Variants in NFATC2 observed in about 807,000 individuals in gnomAD.
NFATC2 encodes nuclear factor of activated T-cells, cytoplasmic 2.
In NFATC2, 22 loss-of-function variants were observed where a neutral mutation model predicts 87.3. The observed-to-expected ratio is 0.25, with a 90% CI of 0.18 to 0.36. The LOEUF (loss-of-function observed/expected upper bound fraction) is 0.36. Ranked by LOEUF, NFATC2 falls within the 10% of genes least tolerant of loss-of-function variation. The pLI, the probability that NFATC2 is intolerant of heterozygous loss-of-function variation, is 1.00. For synonymous variants in NFATC2, 565 were observed against 542.2 expected, an observed-to-expected ratio of 1.04 and a Z score of -0.58; for missense variants, 1,149 against 1,259.1, an observed-to-expected ratio of 0.91 and a Z score of 1.32.
intron 10 of NFATC2, among the ~76,000 whole-genome samples, chr20:51,398,192 G>T (rs1278737537): frequency 6.6e-6 from 1 of 152,164 alleles, no homozygotes; most frequent in Non-Finnish European, 1.5e-5. Context: ...GATTGGAAAT[G>T]ACCTAAGCAC....
intron 3 of NFATC2, among the ~76,000 whole-genome samples, chr20:51,478,916 G>T (rs1053757716): frequency 6.6e-6 from 1 of 152,130 alleles, no homozygotes; most frequent in Non-Finnish European, 1.5e-5. Context: ...TAGCACATTT[G>T]GGTTTCAGAT....
intron 1 of NFATC2, among the ~76,000 whole-genome samples, chr20:51,561,463 GAA>G (rs1568765722): frequency 1.5e-5 from 2 of 131,700 alleles, no homozygotes; most frequent in East Asian, 4.5e-4. Context: ...AAGAAAGAAA[GAA>G]AGAAAGAAAG....
chr20:51,403,618 A>T (rs1024626904), intron 9 of NFATC2, among the ~76,000 whole-genome samples: 6 of 152,196 alleles, frequency 3.9e-5, no homozygotes, highest in African/African-American at 1.2e-4. Context: ...GACTTGGTGC[A>T]GTCATGAAGG....
intron 1 of NFATC2, among the ~76,000 whole-genome samples, chr20:51,552,369 G>T (rs1191357641): frequency 1.3e-5 from 2 of 152,010 alleles, no homozygotes; most frequent in Non-Finnish European, 2.9e-5. Flanking sequence ...CTTGCATTTT[G>T]CTCCCCCAAA....
intron 6 of NFATC2, among the ~76,000 whole-genome samples, chr20:51,439,214 G>A (rs1337316713): frequency 2.6e-5 from 4 of 152,132 alleles, no homozygotes; most frequent in South Asian, 2.1e-4. Context: ...TGAGTCTTAT[G>A]AGCGCTCACT....
chr20:51,453,051 A>T (rs888384160), intron 6 of NFATC2: 1 of 154,592 alleles, frequency 6.5e-6, no homozygotes, highest in Non-Finnish European at 1.5e-5. Flanking sequence ...ACCACTCCCG[A>T]CCCATCCCTG....
intron 1 of NFATC2, among the ~76,000 whole-genome samples, chr20:51,550,860 T>A (rs768352640): frequency 7.2e-4 from 109 of 152,222 alleles, no homozygotes; most frequent in Non-Finnish European, 1.3e-3. Flanking sequence ...TGAACTCATA[T>A]CGCTTTCACA....
intron 5 of NFATC2, among the ~76,000 whole-genome samples, chr20:51,457,922 G>A (rs1225315498): frequency 1.4e-5 from 2 of 141,730 alleles, no homozygotes; most frequent in East Asian, 4.1e-4. Flanking sequence ...GTCTTGCTCT[G>A]TCACCCAGGC....
At chr20:51,486,127 C>T (rs1440007702) in intron 3 of NFATC2, among the ~76,000 whole-genome samples, 2 of 152,050 alleles carry the variant, frequency 1.3e-5, no homozygotes, top group African/African-American at 2.4e-5. Context: ...ATGAGAATCG[C>T]TTGAACCCGG....
chr20:51,514,390 A>G (rs894853071), intron 3 of NFATC2, among the ~76,000 whole-genome samples: 1 of 152,224 alleles, frequency 6.6e-6, no homozygotes, highest in Non-Finnish European at 1.5e-5. Flanking sequence ...AGTGCCTGCT[A>G]TGTTTGTGGC....
At chr20:51,551,793 C>G (rs2076935297) in intron 1 of NFATC2, among the ~76,000 whole-genome samples, 1 of 152,014 alleles carries the variant, frequency 6.6e-6, no homozygotes, top group Non-Finnish European at 1.5e-5. Flanking sequence ...ATTGGGAGGC[C>G]AAGGTGGGCG....
chr20:51,423,447 A>C (rs547627112), intron 9 of NFATC2, among the ~76,000 whole-genome samples: 3 of 152,174 alleles, frequency 2.0e-5, no homozygotes, highest in Admixed American at 1.3e-4. Context: ...GGCATGGTAC[A>C]TCCAGCATAG....
chr20:51,561,480 A>AAGC (rs2077029106), intron 1 of NFATC2, among the ~76,000 whole-genome samples: 126 of 111,188 alleles, frequency 1.1e-3, no homozygotes, highest in Middle Eastern at 4.5e-3. Flanking sequence ...AGAAAGAAAG[A>AAGC]AAGAAAGCAA....
intron 1 of NFATC2, among the ~76,000 whole-genome samples, chr20:51,555,274 C>G (rs1415077272): frequency 6.6e-6 from 1 of 152,168 alleles, no homozygotes; most frequent in East Asian, 1.9e-4. Flanking sequence ...CTGATTACCC[C>G]AGGAATGAAC....
intron 3 of NFATC2, among the ~76,000 whole-genome samples, chr20:51,499,124 T>C (rs938577708): frequency 3.9e-5 from 6 of 152,122 alleles, no homozygotes; most frequent in Admixed American, 3.3e-4. Context: ...GCATCTATAC[T>C]CCGGGAGGGG....
intron 1 of NFATC2, among the ~76,000 whole-genome samples, chr20:51,525,276 T>C (rs930871924): frequency 2.0e-5 from 3 of 152,062 alleles, no homozygotes. Flanking sequence ...CAAAATGACC[T>C]AACTTCCTCT....
chr20:51,521,402 C>T (rs935453240), intron 2 of NFATC2, among the ~76,000 whole-genome samples: 1 of 152,170 alleles, frequency 6.6e-6, no homozygotes, highest in East Asian at 1.9e-4. Flanking sequence ...CTCACTGCAA[C>T]CTCCGCCTCC....
intron 1 of NFATC2, among the ~76,000 whole-genome samples, chr20:51,553,851 A>T (rs1480548429): frequency 6.6e-6 from 1 of 151,974 alleles, no homozygotes; most frequent in East Asian, 1.9e-4. Context: ...TCGTTAGGGG[A>T]TAGAGTATTG....
chr20:51,561,421 AG>A, intron 1 of NFATC2, among the ~76,000 whole-genome samples: 15 of 140,982 alleles, frequency 1.1e-4, no homozygotes, highest in African/African-American at 3.7e-4. Flanking sequence ...AGAAAGAAAG[AG>A]AGAGAAAGAA....
Sources: gnomAD v4.1 joint callset for allele counts (sites outside exome capture counted in the v4.1 genomes callset) on GRCh38, gnomAD v4.1.1 for gene constraint, MANE v1.5 for transcripts, NCBI Gene and HGNC (gene_info 2026-07-23, HGNC 2026-07-21) for gene names.